The following ZNF699 variants were observed in gnomAD, a reference collection of about 807,000 sequenced individuals.
ZNF699 encodes zinc finger protein 699, also known as hangover homolog.
In ZNF699, 18 loss-of-function variants were observed where a neutral mutation model predicts 22.5. The observed-to-expected ratio is 0.80, with a 90% CI of 0.55 to 1.19. The LOEUF is 1.19. Among genes scored for constraint, ZNF699 ranks in the 50% most tolerant of loss-of-function variants. ZNF699 has a pLI of 0.00. For missense variants in ZNF699, 670 were observed against 763.4 expected (o/e 0.88, Z 1.44); for synonymous variants, 241 against 262.3 (o/e 0.92, Z 0.78).
At position 9,296,484 on chromosome 19, in the gene ZNF699, T is replaced by C; in HGVS notation, c.920A>G (p.Tyr307Cys). ...HKRIHSGDKP[Y>C]ECKECGKAFS... ...GGCCTTCCCACATTCCTTACATTCA[T>C]AAGGCTTATCTCCACTGTGAATTCT... The change falls in exon 6 of 6, where the codon TAT becomes TGT. Residue 307 changes from tyrosine to cysteine, a missense_variant. By Grantham distance (194) the Tyr-to-Cys change is radical. Transcript: ENST00000591998. 6.2e-7 allele frequency: 1 copy of C among 1,614,196 alleles called. No individual in the cohort carries two copies. The highest frequency in any genetic ancestry group is 1.3e-5 in the African/African-American group (1 of 75,054).
In ZNF699 at chr19:9,297,796, C is replaced by T; in HGVS notation, c.286+84G>A. On this transcript the variant is annotated intron_variant, in intron 4 of 5. Transcript: ENST00000591998. This position sits in a 1 kb window ranked among gnomAD's most constrained non-coding sequence, Gnocchi z 4.3. The stretch of plus-strand genomic sequence containing the variant: ...GCTATCTGTGGAAGATGAGCTTCCT[C>T]ATATAAAACAAAGTTTGTTTTTGTT... 2 of 1,031,420 alleles carry T rather than the reference C, an allele frequency of 1.9e-6. No homozygotes were observed. Among genetic ancestry groups the T allele is most frequent in the Non-Finnish European group, 3.0e-6 (2 of 668,884 alleles). 63.9% of individuals were successfully genotyped at this position (1,031,420 alleles called of 1,614,324 possible).
At chr19:9,302,642 C>T in intron 2 of ZNF699, 138 bp from the exon 3 acceptor site, 1 of 794,516 alleles carries the variant, frequency 1.3e-6, no homozygotes, top group Non-Finnish European at 1.9e-6. Context: ...TACTCTAGGG[C>T]TCAGTCAACA....
At chr19:9,305,182 TC>T in intron 1 of ZNF699, 58 bp from the exon 2 acceptor site, 1 of 1,485,136 alleles carries the variant, frequency 6.7e-7, no homozygotes, top group Non-Finnish European at 9.3e-7. Flanking sequence ...GACATGAGAA[TC>T]CAGACCTCCC....
chr19:9,302,396 G>A lies in ZNF699; in HGVS notation c.157C>T (p.Gln53Ter). Residue 53 changes from glutamine to a stop codon, truncating the protein, a stop_gained, in exon 3 of 6, where the codon CAG (glutamine) becomes TAG (stop). Transcript: ENST00000591998. LOFTEE classifies it high-confidence loss of function. ...LYRDVMLENF[Q>*]NLASLGYPLH... ...TTCTTACCTAGTGAGGCCAGGTTCT[G>A]GAAGTTTTCCAGCATCACATCTCTG... is the stretch of plus-strand genomic sequence containing the variant. 6.2e-7 allele frequency: 1 copy of A among 1,613,836 alleles called. No homozygotes were observed. Among genetic ancestry groups the A allele is most frequent in the Non-Finnish European group, 8.5e-7 (1 of 1,179,808 alleles).
chr19:9,296,501 G>A lies in ZNF699; in HGVS notation c.903C>T (p.His301=). The part of the protein sequence containing the change: ...SSSLTEHKRI[H]SGDKPYECKE... ...TACATTCATAAGGCTTATCTCCACTGTGAATTCTTTTGTGTTCTGTGAGCG... is the reference window on the plus strand; with the variant it reads ...TACATTCATAAGGCTTATCTCCACTATGAATTCTTTTGTGTTCTGTGAGCG... Residue 301 remains histidine (H), a synonymous_variant, in exon 6 of 6, where the codon CAC becomes CAT. Transcript: ENST00000591998. 1 of 1,613,808 alleles carries A rather than the reference G, an allele frequency of 6.2e-7. No homozygotes were observed. The highest frequency in any genetic ancestry group is 8.5e-7 in the Non-Finnish European group (1 of 1,179,944).
chr19:9,307,228 A>T (rs1344862764), intron 1 of ZNF699, among the ~76,000 whole-genome samples: 1 of 152,084 alleles, frequency 6.6e-6, no homozygotes, highest in East Asian at 1.9e-4. Flanking sequence ...TAAATAATCA[A>T]ATATGTTATC....
intron 3 of ZNF699, among the ~76,000 whole-genome samples, chr19:9,300,191 C>T (rs2066302156): frequency 1.3e-5 from 2 of 152,206 alleles, no homozygotes; most frequent in Admixed American, 1.3e-4. Context: ...CACCATTCTC[C>T]TGCCTCAGCC....
chr19:9,303,879 G>T (rs540940437), intron 2 of ZNF699, among the ~76,000 whole-genome samples: 1 of 151,294 alleles, frequency 6.6e-6, no homozygotes, highest in South Asian at 2.1e-4. Flanking sequence ...GTGCAGTGGC[G>T]CGATCTCGGC....
chr19:9,299,635 G>A (rs1325900879), intron 3 of ZNF699, among the ~76,000 whole-genome samples: 1 of 152,054 alleles, frequency 6.6e-6, no homozygotes, highest in African/African-American at 2.4e-5. Context: ...GCTAAAGCAT[G>A]ATCCATAAAA....
rs193209105 is a variant in ZNF699, at chr19:9,304,281, T to G, written c.48+791A>C. ...TCCTTATTACAGAAATAACTTCACC[T>G]GTTACTTTATTCCCACCATAGCAAT... On this transcript the variant is annotated intron_variant, in intron 2 of 5. Coordinates refer to ENST00000591998, the MANE Select transcript of ZNF699 (RefSeq NM_198535.3). Among the ~76,000 whole-genome samples the G allele has an allele frequency of 1.5e-3, 229 of 152,308 alleles. 1 individual carries two copies. The highest frequency in any genetic ancestry group is 4.8e-3 in the African/African-American group (201 of 41,562).
At chr19:9,308,546 G>A (rs533849456) in intron 1 of ZNF699, among the ~76,000 whole-genome samples, 1 of 152,286 alleles carries the variant, frequency 6.6e-6, no homozygotes, top group South Asian at 2.1e-4. Flanking sequence ...GCTCATGCCT[G>A]TAATTCCAGC....
At chr19:9,306,783 G>C (rs1035695062) in intron 1 of ZNF699, among the ~76,000 whole-genome samples, 12 of 152,168 alleles carry the variant, frequency 7.9e-5, no homozygotes, top group African/African-American at 2.7e-4. Context: ...CAAACACCCA[G>C]TGAGTACATT....
intron 2 of ZNF699, among the ~76,000 whole-genome samples, chr19:9,303,028 C>CA (rs1491219261): frequency 2.0e-5 from 3 of 149,658 alleles, no homozygotes; most frequent in African/African-American, 7.6e-5. Flanking sequence ...AAAACAAAAA[C>CA]AAAAAAACAT....
Position 9,297,326 on chromosome 19 carries a change from TAATCAATAC to T in ZNF699, c.431_439del (p.Gly144_Tyr147delinsAsp). 1 of 1,597,896 alleles carries T rather than the reference TAATCAATAC, an allele frequency of 6.3e-7. No homozygotes were observed. Among genetic ancestry groups the T allele is most frequent in the South Asian group, 1.2e-5 (1 of 86,540 alleles). On this transcript the variant is annotated inframe_deletion, in exon 5 of 6. Transcript: ENST00000591998. This position sits in a 1 kb window ranked among gnomAD's most constrained non-coding sequence, Gnocchi z 4.3. ...ATGTCTCTCATGGCTTTTGTTCTGA[TAATCAATAC>T]CACAGGACTCCTGGTTTTCATGTAA... is the stretch of plus-strand genomic sequence containing the variant.
chr19:9,305,885 G>A (rs535868626), intron 1 of ZNF699, among the ~76,000 whole-genome samples: 1 of 152,074 alleles, frequency 6.6e-6, no homozygotes, highest in Admixed American at 6.5e-5. Flanking sequence ...TGTGTTTTTA[G>A]TAGGGACGGT....
At position 9,296,514 on chromosome 19, in the gene ZNF699, T is replaced by C. The variant is rs766320325; in HGVS notation, c.890A>G (p.His297Arg). The C allele has an allele frequency of 7.4e-6, 12 of 1,614,122 alleles. No homozygotes were observed. The highest frequency in any genetic ancestry group is 1.0e-5 in the Non-Finnish European group (12 of 1,180,044). ...GFSCSSSLTEHKRIHSGDKPY... is the reference protein window; with the variant it reads ...GFSCSSSLTERKRIHSGDKPY... ...CTTATCTCCACTGTGAATTCTTTTG[T>C]GTTCTGTGAGCGATGAGGAACAACT... The change falls in exon 6 of 6, where the codon CAC becomes CGC. Residue 297 changes from histidine (H) to arginine (R), a missense_variant. By Grantham distance (29) the His-to-Arg change is conservative. Transcript: ENST00000591998.
chr19:9,301,300 C>A (rs977356660), intron 3 of ZNF699, among the ~76,000 whole-genome samples: 1 of 152,020 alleles, frequency 6.6e-6, no homozygotes, highest in Non-Finnish European at 1.5e-5. Flanking sequence ...GAGACTTAGA[C>A]ACACAGGCAA....
intron 1 of ZNF699, among the ~76,000 whole-genome samples, chr19:9,309,040 C>G (rs1279900797): frequency 6.6e-6 from 1 of 151,658 alleles, no homozygotes; most frequent in Non-Finnish European, 1.5e-5. Flanking sequence ...GTGTCTCGCT[C>G]TGTTGCCCAG....
In ZNF699 at chr19:9,291,172, A is replaced by G. The variant is rs1277923520; in HGVS notation, c.*4303T>C. Among the ~76,000 whole-genome samples the G allele has an allele frequency of 6.6e-6, 1 of 152,220 alleles. No individual in the cohort carries two copies. The highest frequency in any genetic ancestry group is 1.5e-5 in the Non-Finnish European group (1 of 68,032). On this transcript the variant is annotated 3_prime_UTR_variant, in exon 6 of 6. Coordinates refer to ENST00000591998, the MANE Select transcript of ZNF699 (RefSeq NM_198535.3). Reference sequence around the variant, plus strand: ...ACAACCTAGGTAAATGGACAATTATACCATATTCATCAACTGGAAAACTCG... The same window carrying G: ...ACAACCTAGGTAAATGGACAATTATGCCATATTCATCAACTGGAAAACTCG...
Sources: gnomAD v4.1 joint callset for allele counts (sites outside exome capture counted in the v4.1 genomes callset) on GRCh38, gnomAD v4.1.1 for gene constraint, Gnocchi (gnomAD v3.1) non-coding constraint, MANE v1.5 for transcripts, NCBI Gene and HGNC (gene_info 2026-07-23, HGNC 2026-07-21) for gene names.